Variants in ENDOU observed in about 807,000 individuals in gnomAD.
The protein encoded by ENDOU is uridylate-specific endoribonuclease.
A neutral mutation model predicts 54.2 loss-of-function variants in ENDOU; 49 were observed. That is an observed-to-expected ratio of 0.90 (90% CI 0.72 to 1.15). The LOEUF is 1.15. ENDOU is among the 50% of genes most tolerant of loss of function. The probability of loss-of-function intolerance (pLI) is 0.00; values close to 1 mark genes in which losing one functional copy is unlikely to be tolerated. For missense variants in ENDOU, 458 were observed against 511.4 expected, an observed-to-expected ratio of 0.90 and a Z score of 1.01; for synonymous variants, 172 against 190.5, an observed-to-expected ratio of 0.90 and a Z score of 0.80.
At chr12:47,721,475 C>A (rs537276527) in intron 1 of ENDOU, among the ~76,000 whole-genome samples, 9 of 152,278 alleles carry the variant, frequency 5.9e-5, no homozygotes, top group African/African-American at 2.2e-4. Flanking sequence ...CTTATTCCAT[C>A]CCTGTTATGT....
intron 7 of ENDOU, among the ~76,000 whole-genome samples, chr12:47,713,057 T>TC (rs1469707884): frequency 6.6e-6 from 1 of 152,138 alleles, no homozygotes; most frequent in African/African-American, 2.4e-5. Context: ...CATCTGGTCT[T>TC]CTTTCCCCCT....
rs556891784 is a variant in ENDOU, at chr12:47,717,137, C to T, written c.383-79G>A. The stretch of plus-strand genomic sequence containing the variant: ...GCAGGAAATTATCTGTGTACCTCCC[C>T]TCCTGGGCACCTTCAAGAAGCCAGC... On this transcript the variant is annotated intron_variant, in intron 4 of 9. Coordinates refer to ENST00000422538, the MANE Select transcript of ENDOU (RefSeq NM_001172439.2). 4.8e-6 allele frequency: 6 copies of T among 1,259,818 alleles called. No individual in the cohort carries two copies. In the African/African-American group the frequency reaches 7.4e-5, roughly 15 times the overall value. The allele number at this position is 1,259,818 out of a possible 1,614,324, so 78.0% of individuals were successfully genotyped here.
chr12:47,725,173 G>A (rs150621811), intron 1 of ENDOU, among the ~76,000 whole-genome samples, 186 bp downstream of exon 1: 94 of 152,322 alleles, frequency 6.2e-4, no homozygotes, highest in Non-Finnish European at 1.2e-3. Flanking sequence ...ACATAGTCCA[G>A]TCCATTCCGG....
chr12:47,717,122 ATC>A lies in ENDOU; in HGVS notation c.383-66_383-65del. The A allele has an allele frequency of 4.8e-6, 7 of 1,462,270 alleles. No homozygotes were observed. The South Asian group carries it at 8.1e-5, about 17-fold the overall frequency. 90.6% of individuals were successfully genotyped at this position (1,462,270 alleles called of 1,614,324 possible). On this transcript the variant is annotated intron_variant, in intron 4 of 9. Coordinates refer to ENST00000422538, the MANE Select transcript of ENDOU (RefSeq NM_001172439.2). ...GGGAAAGGGGGGCGGGCAGGAAATT[ATC>A]TGTGTACCTCCCCTCCTGGGCACCT...
At chr12:47,721,018 A>G in intron 1 of ENDOU, 143 bp from the exon 2 acceptor site, 2 of 737,202 alleles carry the variant, frequency 2.7e-6, no homozygotes, top group Non-Finnish European at 4.4e-6. Flanking sequence ...AAGTACATCC[A>G]CAGCCTCCCA....
chr12:47,720,087 C>T (rs1425167325), intron 2 of ENDOU: 2 of 152,346 alleles, frequency 1.3e-5, no homozygotes, highest in Non-Finnish European at 2.9e-5. Context: ...AGTCAGAGTG[C>T]ATGGCTTGAC....
At chr12:47,722,155 A>G (rs894315084) in intron 1 of ENDOU, among the ~76,000 whole-genome samples, 4 of 152,230 alleles carry the variant, frequency 2.6e-5, no homozygotes, top group Non-Finnish European at 1.5e-5. Context: ...TCTGGTTATG[A>G]TTCAATACAG....
At chr12:47,717,458 G>A in intron 4 of ENDOU, 60 bp downstream of exon 4, 3 of 1,575,716 alleles carry the variant, frequency 1.9e-6, no homozygotes, top group Admixed American at 1.8e-5. Context: ...ACCACATGTT[G>A]AGAACCTGCT....
chr12:47,719,846 T>C (rs999896515), intron 2 of ENDOU: 3 of 152,226 alleles, frequency 2.0e-5, no homozygotes, highest in African/African-American at 7.2e-5. Flanking sequence ...CTGTGGGTGC[T>C]TGACTGGCTA....
chr12:47,711,578 T>C (rs1338322751), intron 9 of ENDOU, 55 bp downstream of exon 9: 5 of 1,585,404 alleles, frequency 3.2e-6, no homozygotes, highest in East Asian at 2.3e-5. Context: ...CTGTGATGGC[T>C]GAGGACAGCC....
chr12:47,713,613 T>C (rs1940118981), intron 6 of ENDOU, among the ~76,000 whole-genome samples: 1 of 152,146 alleles, frequency 6.6e-6, no homozygotes, highest in African/African-American at 2.4e-5. Flanking sequence ...AAGGACACGG[T>C]CTCTATCTAT....
chr12:47,717,088 A>G, intron 4 of ENDOU, 30 bp from the exon 5 acceptor site: 1 of 1,608,174 alleles, frequency 6.2e-7, no homozygotes, highest in Non-Finnish European at 8.5e-7. Flanking sequence ...GGGTGGCCTC[A>G]GAGCCAGAGG....
chr12:47,715,559 C>G (rs1940197823), intron 6 of ENDOU, among the ~76,000 whole-genome samples: 1 of 152,218 alleles, frequency 6.6e-6, no homozygotes, highest in Non-Finnish European at 1.5e-5. Context: ...AACAGTGTCA[C>G]CAACTCTTAA....
chr12:47,716,927 A>G lies in ENDOU; in HGVS notation c.514T>C (p.Ser172Pro). Residue 172 changes from serine to proline, a missense_variant, in exon 5 of 10, where the codon TCA becomes CCA. By Grantham distance (74) the Ser-to-Pro change is moderately conservative (BLOSUM62 -1). Coordinates refer to ENST00000422538, the MANE Select transcript of ENDOU (RefSeq NM_001172439.2). Reference sequence around the variant, plus strand: ...CGATCCACTTGGTTTCTGGTCTCTGACGGGGAGATGCAGTTTTGGCTATTG... The same window carrying G: ...CGATCCACTTGGTTTCTGGTCTCTGGCGGGGAGATGCAGTTTTGGCTATTG... ...VLNSQNCISP[S>P]ETRNQVDRCP... 2 of 1,614,182 alleles carry G rather than the reference A, an allele frequency of 1.2e-6. No individual in the cohort carries two copies. Among genetic ancestry groups the G allele is most frequent in the South Asian group, 2.2e-5 (2 of 91,088 alleles).
chr12:47,716,351 T>G lies in ENDOU; in HGVS notation c.700A>C (p.Ile234Leu). 6.2e-7 allele frequency: 1 copy of G among 1,614,128 alleles called. No homozygotes were observed. Among genetic ancestry groups the G allele is most frequent in the Non-Finnish European group, 8.5e-7 (1 of 1,180,024 alleles). Reference sequence around the variant, plus strand: ...TCCTTCATGACTGCTGTCTTCATGATCTCTCTGAGGAAGGCGTCCTGCTCG... The same window carrying G: ...TCCTTCATGACTGCTGTCTTCATGAGCTCTCTGAGGAAGGCGTCCTGCTCG... ...LAEQDAFLRE[I>L]MKTAVMKELY... Residue 234 changes from isoleucine (I) to leucine (L), a missense_variant, in exon 6 of 10, where the codon ATC (isoleucine) becomes CTC (leucine). Physicochemically the swap from Ile to Leu is conservative, Grantham distance 5 (BLOSUM62 2). Coordinates refer to ENST00000422538, the MANE Select transcript of ENDOU (RefSeq NM_001172439.2).
intron 8 of ENDOU, among the ~76,000 whole-genome samples, 174 bp from the exon 9 acceptor site, chr12:47,711,949 G>A (rs1940033615): frequency 6.6e-6 from 1 of 152,188 alleles, no homozygotes; most frequent in African/African-American, 2.4e-5. Context: ...TTGCTAAGGT[G>A]TCTGAGCCCA....
At chr12:47,723,664 G>A (rs1245837521) in intron 1 of ENDOU, among the ~76,000 whole-genome samples, 1 of 152,098 alleles carries the variant, frequency 6.6e-6, no homozygotes, top group African/African-American at 2.4e-5. Context: ...CATCAAGGAA[G>A]CTTGGTCCCA....
At position 47,717,599 on chromosome 12, in the gene ENDOU, G is replaced by A. The variant is rs1054732735; in HGVS notation, c.301C>T (p.His101Tyr). 4 of 1,614,168 alleles carry A rather than the reference G, an allele frequency of 2.5e-6. No homozygotes were observed. Among genetic ancestry groups the A allele is most frequent in the Non-Finnish European group, 3.4e-6 (4 of 1,180,024 alleles). ...CGGGCATTGCAGTGACATTGGTGGT[G>A]CTTGTCAAAGGCTTCGTAGCAGCGG... is the stretch of plus-strand genomic sequence containing the variant. ...QGRCYEAFDK[H>Y]HQCHCNARCQ... The change falls in exon 4 of 10, where the codon CAC (histidine) becomes TAC (tyrosine). Residue 101 changes from histidine (H) to tyrosine (Y), a missense_variant. By Grantham distance (83) the His-to-Tyr change is moderately conservative. Transcript: ENST00000422538.
chr12:47,719,533 C>G (rs1156754932), intron 2 of ENDOU: 1 of 152,034 alleles, frequency 6.6e-6, no homozygotes, highest in Non-Finnish European at 1.5e-5. Flanking sequence ...ATCATGGGGA[C>G]GGGTTTTTCC....
Sources: allele counts gnomAD v4.1 joint callset (sites outside exome capture counted in the v4.1 genomes callset), GRCh38; gene constraint gnomAD v4.1.1; transcripts MANE v1.5; gene names NCBI Gene and HGNC (gene_info 2026-07-23, HGNC 2026-07-21).